The following SUGCT variants were observed in gnomAD, a reference collection of about 807,000 sequenced individuals.
SUGCT encodes the protein succinyl-CoA:glutarate CoA-transferase.
A neutral mutation model predicts 55.0 loss-of-function variants in SUGCT; 41 were observed. That is an observed-to-expected ratio of 0.74 (90% CI 0.58 to 0.97). The LOEUF (loss-of-function observed/expected upper bound fraction) is 0.97. Ranked by LOEUF, SUGCT falls within the 50% of genes least tolerant of loss-of-function variation. SUGCT has a pLI of 0.00. For synonymous variants in SUGCT, 187 were observed against 200.4 expected (o/e 0.93, Z 0.56); for missense variants, 568 against 547.8 (o/e 1.04, Z -0.37).
chr7:40,945,175 G>A, the SUGCT span, among the ~76,000 whole-genome samples: 2 of 152,060 alleles, frequency 1.3e-5, no homozygotes, highest in Admixed American at 6.6e-5. Context: ...TTTTGACAGA[G>A]GCAGCTGGGA....
intron 8 of SUGCT, among the ~76,000 whole-genome samples, chr7:40,275,873 T>C (rs962854412): frequency 6.6e-6 from 1 of 152,192 alleles, no homozygotes; most frequent in African/African-American, 2.4e-5. Context: ...CCAGATGCTG[T>C]ACCATATGTG....
intron 12 of SUGCT, among the ~76,000 whole-genome samples, chr7:40,618,916 C>A (rs190604503): frequency 1.8e-3 from 275 of 152,248 alleles, no homozygotes; most frequent in African/African-American, 6.0e-3. Flanking sequence ...AATTATAAGT[C>A]TGAACTTATA....
intron 13 of SUGCT, among the ~76,000 whole-genome samples, chr7:40,834,188 T>G (rs1276707860): frequency 7.0e-6 from 1 of 142,334 alleles, no homozygotes; most frequent in African/African-American, 2.7e-5. Flanking sequence ...TGGAGAAGCA[T>G]GGACTGGACA....
At chr7:40,424,972 G>A (rs536168032) in intron 9 of SUGCT, among the ~76,000 whole-genome samples, 68 of 152,236 alleles carry the variant, frequency 4.5e-4, no homozygotes, top group African/African-American at 1.6e-3. Context: ...CAGTAATAGA[G>A]TGGGTACGTA....
intron 13 of SUGCT, among the ~76,000 whole-genome samples, chr7:40,851,333 G>T (rs1344961751): frequency 6.6e-6 from 1 of 152,096 alleles, no homozygotes; most frequent in Non-Finnish European, 1.5e-5. Flanking sequence ...AAAAAAAAAT[G>T]TTTAATGTTG....
Position 40,282,697 on chromosome 7 carries a change from C to T in SUGCT, c.720+8041C>T, listed in dbSNP as rs532949780. 2.6e-5 allele frequency among the ~76,000 whole-genome samples: 4 copies of T among 151,710 alleles called. No homozygotes were observed. In the South Asian group the frequency reaches 8.4e-4, roughly 32 times the overall value. On this transcript the variant is annotated intron_variant, in intron 8 of 13. Transcript: ENST00000335693. ...CCAGCATGGCCACTATAATGAGACC[C>T]TGTCTATACAAAAAAATACAAAAAT...
At chr7:40,811,855 G>T (rs1188084839) in intron 13 of SUGCT, among the ~76,000 whole-genome samples, 1 of 152,116 alleles carries the variant, frequency 6.6e-6, no homozygotes, top group Non-Finnish European at 1.5e-5. Flanking sequence ...TTCTCAAGGG[G>T]AATGCTTCCA....
chr7:40,827,890 G>C (rs1792422647), intron 13 of SUGCT, among the ~76,000 whole-genome samples: 1 of 152,036 alleles, frequency 6.6e-6, no homozygotes, highest in South Asian at 2.1e-4. Context: ...GGGTTGCTTT[G>C]ATACTGCCAG....
At chr7:40,210,466 GTGTATATATATA>G (rs1787269560) in intron 6 of SUGCT, among the ~76,000 whole-genome samples, 1 of 149,874 alleles carries the variant, frequency 6.7e-6, no homozygotes, top group African/African-American at 2.5e-5. Flanking sequence ...ATGTGTGTGT[GTGTATATATATA>G]TGTGTATATA....
chr7:40,768,544 AC>A (rs1788923049), intron 13 of SUGCT, among the ~76,000 whole-genome samples: 1 of 152,128 alleles, frequency 6.6e-6, no homozygotes, highest in Non-Finnish European at 1.5e-5. Context: ...ACCGAGACCC[AC>A]TCTATCTTTC....
At chr7:40,906,320 G>T in the SUGCT span, among the ~76,000 whole-genome samples, 1 of 152,102 alleles carries the variant, frequency 6.6e-6, no homozygotes. Context: ...AAGGAGAAAA[G>T]CTTCATCCAA....
intron 9 of SUGCT, among the ~76,000 whole-genome samples, chr7:40,333,636 C>CAAAAAAAAA (rs1212001738): frequency 2.0e-5 from 1 of 49,950 alleles, no homozygotes; most frequent in Non-Finnish European, 3.3e-5. Context: ...GACTCTGTCT[C>CAAAAAAAAA]AAAAAAAAAA....
At chr7:40,481,717 A>G (rs867059472) in intron 11 of SUGCT, among the ~76,000 whole-genome samples, 4 of 152,152 alleles carry the variant, frequency 2.6e-5, no homozygotes, top group South Asian at 4.1e-4. Flanking sequence ...CTTTTTCCCT[A>G]TAACACTTGG....
chr7:40,713,951 A>G (rs1019935980), intron 12 of SUGCT, among the ~76,000 whole-genome samples: 18 of 152,216 alleles, frequency 1.2e-4, no homozygotes, highest in African/African-American at 3.6e-4. Context: ...CATGTAGAAA[A>G]CCATCTGAAG....
intron 13 of SUGCT, among the ~76,000 whole-genome samples, chr7:40,829,243 TAGCC>T (rs1271194206): frequency 6.6e-6 from 1 of 152,200 alleles, no homozygotes; most frequent in Non-Finnish European, 1.5e-5. Flanking sequence ...TAAATATAGC[TAGCC>T]AGCAATCCAT....
At chr7:40,670,185 A>AAG (rs1380696773) in intron 12 of SUGCT, among the ~76,000 whole-genome samples, 11 of 149,622 alleles carry the variant, frequency 7.4e-5, no homozygotes, top group African/African-American at 2.7e-4. Flanking sequence ...AAAAAAAAAA[A>AAG]AAAAAAAAGA....
At chr7:40,946,906 C>A in the SUGCT span, among the ~76,000 whole-genome samples, 1 of 152,046 alleles carries the variant, frequency 6.6e-6, no homozygotes, top group Non-Finnish European at 1.5e-5. Context: ...TTTGGTTTAT[C>A]CTTTGACAGC....
chr7:40,176,646 T>G (rs1190674605), intron 1 of SUGCT, among the ~76,000 whole-genome samples: 2 of 147,412 alleles, frequency 1.4e-5, no homozygotes, highest in African/African-American at 2.5e-5. Flanking sequence ...GATTATTTTG[T>G]TTTTTTTTTA....
intron 11 of SUGCT, among the ~76,000 whole-genome samples, chr7:40,462,038 T>C (rs1237609884): frequency 1.3e-5 from 2 of 152,204 alleles, no homozygotes; most frequent in Admixed American, 1.3e-4. Context: ...GCACTAACTG[T>C]GTAGTAGGCA....
Sources: allele counts gnomAD v4.1 joint callset (sites outside exome capture counted in the v4.1 genomes callset), GRCh38; gene constraint gnomAD v4.1.1; transcripts MANE v1.5; gene names NCBI Gene and HGNC (gene_info 2026-07-23, HGNC 2026-07-21).